Variants in EHMT1 observed in about 807,000 individuals in gnomAD.
The protein encoded by EHMT1 is histone-lysine N-methyltransferase EHMT1.
Under a neutral mutation model 147.2 loss-of-function variants are expected in EHMT1, and 15 were observed. That is an observed-to-expected ratio of 0.10 (90% CI 0.07 to 0.16). The LOEUF (loss-of-function observed/expected upper bound fraction) is 0.16, where lower values mean the gene tolerates loss of function less well. EHMT1 is among the 10% of genes least tolerant of loss of function. EHMT1 has a pLI of 1.00. For missense variants in EHMT1, 1,587 were observed against 1,772.4 expected (o/e 0.90, Z 1.88); for synonymous variants, 795 against 709.6 (o/e 1.12, Z -1.91).
At chr9:137,803,028 ACCGCCC>A (rs1269713261) in intron 18 of EHMT1, 1 of 1,231,086 alleles carries the variant, frequency 8.1e-7, no homozygotes, top group African/African-American at 1.6e-5. Context: ...CACCTCACCC[ACCGCCC>A]CCGGAGACTG....
intron 16 of EHMT1, among the ~76,000 whole-genome samples, chr9:137,794,679 A>G (rs939239139): frequency 6.6e-6 from 1 of 151,960 alleles, no homozygotes; most frequent in African/African-American, 2.4e-5. Flanking sequence ...CTAGAGAAAA[A>G]CAGCACATTA....
intron 14 of EHMT1, among the ~76,000 whole-genome samples, chr9:137,781,011 T>TGTGGTGATGACGCCGAGAC (rs1951426514): frequency 6.3e-5 from 2 of 31,968 alleles, no homozygotes; most frequent in Admixed American, 8.4e-4. Flanking sequence ...GACGCCGGGA[T>TGTGGTGATGACGCCGAGAC]GTGTGGTGAT....
chr9:137,821,360 C>G (rs770741645), intron 25 of EHMT1, among the ~76,000 whole-genome samples: 1 of 114,890 alleles, frequency 8.7e-6, no homozygotes, highest in Non-Finnish European at 1.6e-5. Context: ...CCAGGTCTTG[C>G]TGTGTTGCCC....
Position 137,798,893 on chromosome 9 carries a change from A to C in EHMT1, c.2586A>C (p.Gly862=), listed in dbSNP as rs1165160343. 1 of 1,614,096 alleles carries C rather than the reference A, an allele frequency of 6.2e-7. No individual in the cohort carries two copies. ...YEVVQYLLSN[G]QMDVNCQDDG... Reference sequence around the variant, plus strand: ...TGGTCCAGTACCTGCTTTCAAATGGACAGATGGACGTCAACTGTCAGGTAC... The same window carrying C: ...TGGTCCAGTACCTGCTTTCAAATGGCCAGATGGACGTCAACTGTCAGGTAC... Residue 862 remains glycine (G), a synonymous_variant, in exon 17 of 27, where the codon GGA becomes GGC. Transcript: ENST00000460843.
At chr9:137,760,127 G>A (rs925645637) in intron 9 of EHMT1, among the ~76,000 whole-genome samples, 2 of 152,182 alleles carry the variant, frequency 1.3e-5, no homozygotes, top group African/African-American at 4.8e-5. Context: ...CCATGGCAAC[G>A]TGGGCTAGGG....
At chr9:137,632,150 C>T (rs145847319) in intron 1 of EHMT1, among the ~76,000 whole-genome samples, 7 of 152,294 alleles carry the variant, frequency 4.6e-5, no homozygotes, top group Non-Finnish European at 7.4e-5. Flanking sequence ...CGCATATCTC[C>T]GAATGTATCC....
chr9:137,723,513 G>A (rs1446008005), intron 3 of EHMT1, among the ~76,000 whole-genome samples: 1 of 146,714 alleles, frequency 6.8e-6, no homozygotes, highest in Non-Finnish European at 1.5e-5. Context: ...GCCTGAGCCC[G>A]GGGTGTGTCC....
Position 137,619,017 on chromosome 9 carries a change from C to A in EHMT1, c.-12C>A. The A allele has an allele frequency of 1.0e-6, 1 of 971,578 alleles. No homozygotes were observed. The highest frequency in any genetic ancestry group is 1.2e-6 in the Non-Finnish European group (1 of 819,040). The allele number at this position is 971,578 out of a possible 1,614,324, so 60.2% of individuals were successfully genotyped here. A position where few individuals can be genotyped will look rare whatever the true frequency, so the allele number is the denominator to read the frequency against. On this transcript the variant is annotated 5_prime_UTR_variant, in exon 1 of 27. Transcript: ENST00000460843. The stretch of plus-strand genomic sequence containing the variant: ...GCGCGGGAGGGGCGGGGCCACGCTG[C>A]GGGCCCGGGCCATGGCCGCCGCCGA...
intron 25 of EHMT1, among the ~76,000 whole-genome samples, chr9:137,830,205 C>T (rs750359351): frequency 2.6e-5 from 4 of 152,048 alleles, no homozygotes; most frequent in African/African-American, 4.8e-5. Context: ...CCCATGCAGG[C>T]GAGCCCGTCT....
chr9:137,620,080 C>T (rs1466649159), intron 1 of EHMT1: 1 of 152,090 alleles, frequency 6.6e-6, no homozygotes, highest in East Asian at 1.9e-4. Flanking sequence ...TAATGTATGG[C>T]CTTTTTGTTT....
intron 25 of EHMT1, among the ~76,000 whole-genome samples, chr9:137,824,177 A>T (rs1398716619): frequency 6.6e-6 from 1 of 152,166 alleles, no homozygotes; most frequent in Admixed American, 6.5e-5. Context: ...GGAGGCCGAG[A>T]CGGAGTTTGA....
rs1283826814 is a variant in EHMT1, at chr9:137,743,147, T to C, written c.824-224T>C. On this transcript the variant is annotated intron_variant, in intron 4 of 26. Transcript: ENST00000460843. ...CGTGTTTTGTTGTGAATGGAACAGA[T>C]GAACAGATGATCCAGGACGTGTTTC... is the stretch of plus-strand genomic sequence containing the variant. The C allele has an allele frequency of 5.6e-6, 3 of 537,376 alleles. No homozygotes were observed. In the Admixed American group the frequency reaches 9.6e-5, roughly 17 times the overall value. The allele number at this position is 537,376 out of a possible 1,614,324, so 33.3% of individuals were successfully genotyped here. A position where few individuals can be genotyped will look rare whatever the true frequency, so the allele number is the denominator to read the frequency against.
rs764024176 is a variant in EHMT1, at chr9:137,743,443, T to C, written c.896T>C (p.Val299Ala). Residue 299 changes from valine (V) to alanine (A), a missense_variant, in exon 5 of 27, where the codon GTT (valine) becomes GCT (alanine). Around this residue, in one of 7 missense-constraint regions of EHMT1, gnomAD observed 810 missense variants for 673.0 expected, o/e 1.20. Transcript: ENST00000460843. ...KKRRMGTYSLVPKKKTKVLKQ... is the reference protein window; with the variant it reads ...KKRRMGTYSLAPKKKTKVLKQ... Reference sequence around the variant, plus strand: ...CGAAGAATGGGAACCTATAGCCTGGTTCCTAAGAAAAAGACCAAAGTATTA... The same window carrying C: ...CGAAGAATGGGAACCTATAGCCTGGCTCCTAAGAAAAAGACCAAAGTATTA... 4 of 1,613,830 alleles carry C rather than the reference T, an allele frequency of 2.5e-6. No homozygotes were observed. The highest frequency in any genetic ancestry group is 3.4e-6 in the Non-Finnish European group (4 of 1,179,992).
At chr9:137,742,975 G>A (rs899259714) in intron 4 of EHMT1, 5 of 302,832 alleles carry the variant, frequency 1.7e-5, no homozygotes, top group Non-Finnish European at 3.2e-5. Flanking sequence ...TGTTCACGTT[G>A]GTCTGTTTTG....
chr9:137,817,151 C>G (rs1230590273), intron 23 of EHMT1: 1 of 498,502 alleles, frequency 2.0e-6, no homozygotes, highest in African/African-American at 2.0e-5. Context: ...GCCTAGTGGC[C>G]CAGGCCCAGC....
intron 1 of EHMT1, among the ~76,000 whole-genome samples, chr9:137,678,535 T>A (rs1298113002): frequency 6.6e-6 from 1 of 152,216 alleles, no homozygotes. Context: ...TGTTCCTGTC[T>A]CGCCGCGTTG....
intron 9 of EHMT1, among the ~76,000 whole-genome samples, chr9:137,760,045 C>T (rs966059354): frequency 2.6e-5 from 4 of 152,192 alleles, no homozygotes; most frequent in Admixed American, 6.5e-5. Context: ...CTTATTGAGG[C>T]TGAATGGCGA....
At position 137,814,458 on chromosome 9, in the gene EHMT1, T is replaced by A. The variant is rs781190365; in HGVS notation, c.3208T>A (p.Ser1070Thr). The change falls in exon 22 of 27, where the codon TCC becomes ACC. Residue 1070 changes from serine to threonine, a missense_variant. By Grantham distance (58) the Ser-to-Thr change is moderately conservative. This residue lies in a region of EHMT1 where 156 missense variants were observed against 252.5 expected (regional missense o/e 0.62). Transcript: ENST00000460843. ...QYCVCIDDCS[S>T]SNCMCGQLSM... Reference sequence around the variant, plus strand: ...CTGCGTGTGCATCGACGACTGCTCCTCCAGCAACTGCATGTGCGGCCAGCT... The same window carrying A: ...CTGCGTGTGCATCGACGACTGCTCCACCAGCAACTGCATGTGCGGCCAGCT... The A allele has an allele frequency of 6.2e-7, 1 of 1,610,544 alleles. No homozygotes were observed. The highest frequency in any genetic ancestry group is 8.5e-7 in the Non-Finnish European group (1 of 1,180,016).
At position 137,813,031 on chromosome 9, in the gene EHMT1, G is replaced by A; in HGVS notation, c.2893G>A (p.Val965Ile). 6.2e-7 allele frequency: 1 copy of A among 1,614,012 alleles called. No homozygotes were observed. The highest frequency in any genetic ancestry group is 8.5e-7 in the Non-Finnish European group (1 of 1,180,022). Residue 965 changes from valine to isoleucine, a missense_variant, in exon 20 of 27, where the codon GTC (valine) becomes ATC (isoleucine). Physicochemically the swap from Val to Ile is conservative, Grantham distance 29. This residue lies in a region of EHMT1 where 201 missense variants were observed against 350.1 expected (regional missense o/e 0.57). Coordinates refer to ENST00000460843, the MANE Select transcript of EHMT1 (RefSeq NM_024757.5). This position sits in a 1 kb window ranked among gnomAD's most constrained non-coding sequence, Gnocchi z 4.9. ...VVLFLSRDSD[V>I]TLKNKEGETP... ...CCTCTTTCTTTCTCGGGATTCAGATGTCACCTTAAAGAACAAGGAAGGAGA... is the reference window on the plus strand; with the variant it reads ...CCTCTTTCTTTCTCGGGATTCAGATATCACCTTAAAGAACAAGGAAGGAGA...
Sources: gnomAD v4.1 joint callset for allele counts (sites outside exome capture counted in the v4.1 genomes callset) on GRCh38, gnomAD v4.1.1 for gene constraint, gnomAD v4.1.1 regional missense constraint, Gnocchi (gnomAD v3.1) non-coding constraint, MANE v1.5 for transcripts, NCBI Gene and HGNC (gene_info 2026-07-23, HGNC 2026-07-21) for gene names.